The following GTF2I variants were observed in gnomAD, a reference collection of about 807,000 sequenced individuals.
GTF2I encodes general transcription factor II-I.
GTF2I carries 12 observed loss-of-function variants against 67.6 expected under a neutral mutation model. The observed-to-expected ratio is 0.18, with a 90% CI of 0.11 to 0.29. The LOEUF is 0.29. Ranked by LOEUF, GTF2I falls within the 10% of genes least tolerant of loss-of-function variation. The pLI, the probability that GTF2I is intolerant of heterozygous loss-of-function variation, is 1.00. For missense variants in GTF2I, 271 were observed against 580.1 expected, an observed-to-expected ratio of 0.47 and a Z score of 5.47; for synonymous variants, 149 against 197.0, an observed-to-expected ratio of 0.76 and a Z score of 2.04.
At chr7:74,720,480 T>C (rs1209894268) in intron 12 of GTF2I, among the ~76,000 whole-genome samples, 4 of 152,198 alleles carry the variant, frequency 2.6e-5, no homozygotes, top group African/African-American at 4.8e-5. Flanking sequence ...GATTTCTTTT[T>C]TCATAAATAT....
At chr7:74,666,506 G>A (rs587655857) in intron 1 of GTF2I, among the ~76,000 whole-genome samples, 3 of 137,954 alleles carry the variant, frequency 2.2e-5, no homozygotes, top group Admixed American at 7.9e-5. Flanking sequence ...CCTCCTGTTC[G>A]TTTTCTTTCT....
At chr7:74,723,469 T>G (rs587659553) in intron 12 of GTF2I, among the ~76,000 whole-genome samples, 2 of 125,808 alleles carry the variant, frequency 1.6e-5, no homozygotes, top group East Asian at 4.7e-4. Flanking sequence ...CTTGCTCTGT[T>G]GCCCAGGCTG....
At chr7:74,750,596 T>C (rs1795759059) in intron 26 of GTF2I, among the ~76,000 whole-genome samples, 1 of 27,432 alleles carries the variant, frequency 3.6e-5, no homozygotes, top group Non-Finnish European at 8.3e-5. Context: ...CTGGCCACTT[T>C]TTTTTTTTTT....
At chr7:74,725,545 T>A (rs1335751716) in intron 12 of GTF2I, among the ~76,000 whole-genome samples, 10 of 120,204 alleles carry the variant, frequency 8.3e-5, no homozygotes, top group Admixed American at 3.3e-4. Flanking sequence ...AAAAAAAAAA[T>A]TAGCTGGGCG....
chr7:74,667,463 CGTTGTTGTT>C (rs1233958756), intron 1 of GTF2I, among the ~76,000 whole-genome samples: 2 of 152,060 alleles, frequency 1.3e-5, no homozygotes, highest in Non-Finnish European at 2.9e-5. Context: ...TTGTTGTTGT[CGTTGTTGTT>C]AAATTGTGGT....
At chr7:74,711,178 A>G (rs1791498466) in intron 9 of GTF2I, 69 bp downstream of exon 9, 1 of 658,420 alleles carries the variant, frequency 1.5e-6, no homozygotes. Flanking sequence ...TTGCTCATCA[A>G]TTGCTTTAAT....
chr7:74,701,403 A>C (rs587736261), intron 6 of GTF2I, among the ~76,000 whole-genome samples: 1 of 152,308 alleles, frequency 6.6e-6, no homozygotes, highest in South Asian at 2.1e-4. Flanking sequence ...CATTGTGGTG[A>C]AAAGATTAAT....
rs1250761900 is a variant in GTF2I, at chr7:74,748,914, CA to C, written c.2171-101del. The stretch of plus-strand genomic sequence containing the variant: ...TAACAAGAGCGAAACTCTGTCTCAA[CA>C]AAAAAAAAATAAGATGCACAAATAA... On this transcript the variant is annotated intron_variant, in intron 24 of 34. Coordinates refer to ENST00000573035, the MANE Select transcript of GTF2I (RefSeq NM_032999.4). 3.2e-3 allele frequency: 1,069 copies of C among 329,282 alleles called. 1 individual carries two copies. Among genetic ancestry groups the C allele is most frequent in the East Asian group, 4.7e-3 (56 of 11,902 alleles). The allele number at this position is 329,282 out of a possible 1,614,324, so 20.4% of individuals were successfully genotyped here. A position where few individuals can be genotyped will look rare whatever the true frequency, so the allele number is the denominator to read the frequency against.
At chr7:74,691,207 T>C in intron 3 of GTF2I, 96 bp downstream of exon 3, 1 of 924,152 alleles carries the variant, frequency 1.1e-6, no homozygotes, top group Non-Finnish European at 1.6e-6. Flanking sequence ...TTTCTTTCTT[T>C]CTTTTTTTTT....
intron 6 of GTF2I, among the ~76,000 whole-genome samples, chr7:74,703,856 T>C (rs1790189410): frequency 6.6e-6 from 1 of 152,228 alleles, no homozygotes; most frequent in South Asian, 2.1e-4. Context: ...TAAATTCATC[T>C]TTTTGCACGT....
At chr7:74,697,828 G>T (rs1380007166) in intron 3 of GTF2I, among the ~76,000 whole-genome samples, 2 of 152,072 alleles carry the variant, frequency 1.3e-5, no homozygotes, top group Admixed American at 6.6e-5. Context: ...GAGTGCAGTG[G>T]TGCAATCTTG....
intron 3 of GTF2I, among the ~76,000 whole-genome samples, chr7:74,692,048 A>AT (rs1419180470): frequency 6.8e-6 from 1 of 146,794 alleles, no homozygotes; most frequent in Non-Finnish European, 1.5e-5. Context: ...AAGTGCTAGG[A>AT]TTTCAGGCAT....
At chr7:74,664,339 T>G (rs1201150384) in intron 1 of GTF2I, among the ~76,000 whole-genome samples, 4 of 152,212 alleles carry the variant, frequency 2.6e-5, no homozygotes, top group African/African-American at 9.6e-5. Flanking sequence ...TTTTTACCAC[T>G]TTGGCCTACT....
chr7:74,717,058 C>G, intron 11 of GTF2I, 108 bp downstream of exon 11: 1 of 1,439,722 alleles, frequency 6.9e-7, no homozygotes, highest in South Asian at 1.4e-5. Flanking sequence ...AAAGGTGATT[C>G]CCTTGGTATG....
intron 23 of GTF2I, among the ~76,000 whole-genome samples, chr7:74,746,838 G>A (rs1554409199): frequency 8.7e-6 from 1 of 114,688 alleles, no homozygotes; most frequent in Non-Finnish European, 1.8e-5. Flanking sequence ...CTTGCCCAGG[G>A]TGGAGTGCAG....
At chr7:74,700,469 T>C in intron 5 of GTF2I, 39 bp downstream of exon 5, 1 of 1,609,034 alleles carries the variant, frequency 6.2e-7, no homozygotes, top group Non-Finnish European at 8.5e-7. Context: ...CAACAGTTGA[T>C]TCGTATAAAT....
intron 12 of GTF2I, among the ~76,000 whole-genome samples, chr7:74,723,428 C>CCTTTTTTTTTTTTTTT (rs1793319970): frequency 9.8e-5 from 6 of 61,090 alleles, no homozygotes; most frequent in African/African-American, 5.0e-4. Context: ...CTCCCGGCCT[C>CCTTTTTTTTTTTTTTT]TTTTTTTTTT....
intron 1 of GTF2I, among the ~76,000 whole-genome samples, chr7:74,661,331 G>A (rs1238350318): frequency 1.3e-5 from 2 of 152,116 alleles, no homozygotes; most frequent in Non-Finnish European, 2.9e-5. Context: ...CATTCACAAT[G>A]GTGCAAAATG....
At position 74,701,945 on chromosome 7, in the gene GTF2I, C is replaced by CT. The variant is rs372820503; in HGVS notation, c.586+1317dup. 1.1e-3 allele frequency among the ~76,000 whole-genome samples: 175 copies of CT among 152,246 alleles called. 2 individuals carry two copies. Among genetic ancestry groups the CT allele is most frequent in the African/African-American group, 3.0e-3 (125 of 41,556 alleles). On this transcript the variant is annotated intron_variant, in intron 6 of 34. Coordinates refer to ENST00000573035, the MANE Select transcript of GTF2I (RefSeq NM_032999.4). ...GTAGTATGTATCCTATTGAAATGAG[C>CT]TTTTTTCACTGAGCATCACTCACTC...
Sources: gnomAD v4.1 joint callset for allele counts (sites outside exome capture counted in the v4.1 genomes callset) on GRCh38, gnomAD v4.1.1 for gene constraint, MANE v1.5 for transcripts, NCBI Gene and HGNC (gene_info 2026-07-23, HGNC 2026-07-21) for gene names.